SHISA9: variants seen among roughly 807,000 people sequenced by gnomAD.
SHISA9 encodes protein shisa-9.
A neutral mutation model predicts 38.0 loss-of-function variants in SHISA9; 13 were observed. That is an observed-to-expected ratio of 0.34 (90% CI 0.22 to 0.54). SHISA9 has a LOEUF of 0.54. Among genes scored for constraint, SHISA9 ranks in the 20% least tolerant of loss-of-function variants. SHISA9 has a pLI of 0.91. For synonymous variants in SHISA9, 275 were observed against 242.0 expected, an observed-to-expected ratio of 1.14 and a Z score of -1.27; for missense variants, 538 against 575.8, an observed-to-expected ratio of 0.93 and a Z score of 0.67.
intron 2 of SHISA9, among the ~76,000 whole-genome samples, chr16:13,046,608 C>T (rs1473174027): frequency 1.3e-5 from 2 of 152,182 alleles, no homozygotes; most frequent in African/African-American, 4.8e-5. Flanking sequence ...GATTGCTTTG[C>T]TCCTCCCTCT....
At chr16:12,955,954 A>G (rs1005211423) in intron 2 of SHISA9, among the ~76,000 whole-genome samples, 1 of 152,252 alleles carries the variant, frequency 6.6e-6, no homozygotes, top group Non-Finnish European at 1.5e-5. Context: ...ATAAATAATC[A>G]ACAGAGTACA....
chr16:13,250,798 T>C, the SHISA9 span, among the ~76,000 whole-genome samples: 2 of 152,172 alleles, frequency 1.3e-5, no homozygotes, highest in African/African-American at 4.8e-5. Flanking sequence ...TACTGTGAAG[T>C]CCATGGCAGC....
chr16:13,194,777 T>C (rs920115859), intron 2 of SHISA9, among the ~76,000 whole-genome samples: 1 of 152,224 alleles, frequency 6.6e-6, no homozygotes, highest in African/African-American at 2.4e-5. Context: ...ATAAGCACTG[T>C]GTTCTAGTTG....
At chr16:12,903,644 G>T (rs1453671368) in intron 1 of SHISA9, among the ~76,000 whole-genome samples, 1 of 152,200 alleles carries the variant, frequency 6.6e-6, no homozygotes, top group Non-Finnish European at 1.5e-5. Context: ...TGAGGTCCGG[G>T]CGGGCGGGGT....
chr16:13,291,832 T>A, the SHISA9 span, among the ~76,000 whole-genome samples: 1 of 152,062 alleles, frequency 6.6e-6, no homozygotes, highest in Non-Finnish European at 1.5e-5. Flanking sequence ...CATTAACACT[T>A]GTGGTAGGCA....
chr16:13,210,580 C>T (rs904507547), intron 3 of SHISA9, among the ~76,000 whole-genome samples: 3 of 152,174 alleles, frequency 2.0e-5, no homozygotes, highest in Non-Finnish European at 4.4e-5. Context: ...TCCCTCTTTA[C>T]TCTTGGAATC....
chr16:13,203,568 A>G lies in SHISA9; in HGVS notation c.847+19A>G, dbSNP rs971640785. 4.1e-6 allele frequency: 6 copies of G among 1,472,448 alleles called. No individual in the cohort carries two copies. Among genetic ancestry groups the G allele is most frequent in the Non-Finnish European group, 3.6e-6 (4 of 1,108,722 alleles). 91.2% of individuals were successfully genotyped at this position (1,472,448 alleles called of 1,614,324 possible). On this transcript the variant is annotated intron_variant, in intron 3 of 4. Coordinates refer to ENST00000558583, the MANE Select transcript of SHISA9 (RefSeq NM_001145204.3). Reference sequence around the variant, plus strand: ...GCAGTCGGTAAGTGCCACCTGATGGATCTTTTTCTCTTTCTCCTCTTCGCT... The same window carrying G: ...GCAGTCGGTAAGTGCCACCTGATGGGTCTTTTTCTCTTTCTCCTCTTCGCT...
At chr16:13,092,668 A>T (rs2073787097) in intron 2 of SHISA9, among the ~76,000 whole-genome samples, 1 of 152,206 alleles carries the variant, frequency 6.6e-6, no homozygotes, top group South Asian at 2.1e-4. Context: ...AGTTGCTAAG[A>T]CCTTGGGAAA....
intron 2 of SHISA9, among the ~76,000 whole-genome samples, chr16:13,078,945 G>A (rs2073615652): frequency 6.6e-6 from 1 of 152,300 alleles, no homozygotes; most frequent in Admixed American, 6.5e-5. Context: ...ATGTTCTCTA[G>A]AAGAAGCATA....
the SHISA9 span, among the ~76,000 whole-genome samples, chr16:13,298,377 A>G: frequency 6.6e-5 from 10 of 152,204 alleles, no homozygotes; most frequent in African/African-American, 2.4e-4. Context: ...ATCAATATCA[A>G]TATTATTATC....
intron 2 of SHISA9, among the ~76,000 whole-genome samples, chr16:13,100,733 G>T (rs1012227682): frequency 6.6e-6 from 1 of 151,832 alleles, no homozygotes; most frequent in East Asian, 1.9e-4. Context: ...TTGAGATGAG[G>T]TTTCGCTCTT....
intron 2 of SHISA9, among the ~76,000 whole-genome samples, chr16:13,169,410 C>A (rs1338728695): frequency 1.3e-5 from 2 of 152,094 alleles, no homozygotes; most frequent in Non-Finnish European, 2.9e-5. Flanking sequence ...ATATTAAGCC[C>A]TTTTAACACT....
chr16:13,403,916 T>C, the SHISA9 span, among the ~76,000 whole-genome samples: 1 of 152,194 alleles, frequency 6.6e-6, no homozygotes, highest in Non-Finnish European at 1.5e-5. Flanking sequence ...GTGGGTCTTC[T>C]GATGTTTGGG....
the SHISA9 span, among the ~76,000 whole-genome samples, chr16:13,394,928 G>T: frequency 3.6e-5 from 5 of 139,402 alleles, no homozygotes; most frequent in Non-Finnish European, 3.1e-5. Context: ...CAGTATCTGG[G>T]GTGTGTGTGT....
chr16:13,294,620 CCAGGATATTTG>C, the SHISA9 span, among the ~76,000 whole-genome samples: 1 of 152,150 alleles, frequency 6.6e-6, no homozygotes, highest in Non-Finnish European at 1.5e-5. Context: ...CTTCCCGGTG[CCAGGATATTTG>C]CAGCTGTGAG....
At chr16:13,158,924 G>C (rs1028977006) in intron 2 of SHISA9, among the ~76,000 whole-genome samples, 1 of 151,302 alleles carries the variant, frequency 6.6e-6, no homozygotes, top group African/African-American at 2.4e-5. Flanking sequence ...GCTGGGCATG[G>C]TGGCATGCGC....
chr16:12,923,582 T>C (rs954124459), intron 2 of SHISA9, among the ~76,000 whole-genome samples: 6 of 151,920 alleles, frequency 3.9e-5, no homozygotes, highest in Non-Finnish European at 2.9e-5. Flanking sequence ...CGGAAAAATA[T>C]TGAGATTTAT....
the SHISA9 span, among the ~76,000 whole-genome samples, chr16:13,508,257 A>T: frequency 6.6e-6 from 1 of 152,168 alleles, no homozygotes; most frequent in Non-Finnish European, 1.5e-5. Flanking sequence ...AACATTTTCC[A>T]TGTGTCATTA....
chr16:13,218,059 GGAAGGAAGGAAAAAAA>G (rs1253062886), intron 4 of SHISA9, among the ~76,000 whole-genome samples: 3 of 151,822 alleles, frequency 2.0e-5, no homozygotes, highest in Non-Finnish European at 4.4e-5. Flanking sequence ...AAGGTAGGAA[GGAAGGAAGGAAAAAAA>G]GAAGGAAGGA....
Sources: gnomAD v4.1 joint callset for allele counts (sites outside exome capture counted in the v4.1 genomes callset) on GRCh38, gnomAD v4.1.1 for gene constraint, MANE v1.5 for transcripts, NCBI Gene and HGNC (gene_info 2026-07-23, HGNC 2026-07-21) for gene names.